The following TNC variants were observed in gnomAD, a reference collection of about 807,000 sequenced individuals.
TNC encodes tenascin C, also known as tenascin.
In TNC, 109 loss-of-function variants were observed where a neutral mutation model predicts 202.4. That is an observed-to-expected ratio of 0.54 (90% confidence interval 0.46 to 0.63). The LOEUF is 0.63. Among genes scored for constraint, TNC ranks in the 30% least tolerant of loss-of-function variants. The pLI, the probability that TNC is intolerant of heterozygous loss-of-function variation, is 0.00. For synonymous variants in TNC, 1,007 were observed against 1,089.7 expected (o/e 0.92, Z 1.50); for missense variants, 2,756 against 2,833.3 (o/e 0.97, Z 0.62).
chr9:115,019,918 A>G lies in TNC; in HGVS notation c.*1239T>C, dbSNP rs1828956777. On this transcript the variant is annotated 3_prime_UTR_variant, in exon 28 of 28. Transcript: ENST00000350763. ...TGTGGTAACAATACTTACCTCAACT[A>G]TATCATAGAGTTTCTAGGAGTTGCA... The G allele has an allele frequency of 6.6e-6, 1 of 152,252 alleles. No individual in the cohort carries two copies. Among genetic ancestry groups the G allele is most frequent in the Admixed American group, 6.5e-5 (1 of 15,280 alleles). The allele number at this position is 152,252 out of a possible 1,614,324, so 9.4% of individuals were successfully genotyped here. A position where few individuals can be genotyped will look rare whatever the true frequency, so the allele number is the denominator to read the frequency against.
At chr9:115,051,521 CTTTTTTCTT>C (rs1280751911) in intron 15 of TNC, among the ~76,000 whole-genome samples, 127 of 125,446 alleles carry the variant, frequency 1.0e-3, no homozygotes, top group Middle Eastern at 4.3e-3. Flanking sequence ...GGTGATTTTT[CTTTTTTCTT>C]TTTTTTCTTT....
chr9:115,094,867 G>C (rs1631671), intron 1 of TNC, among the ~76,000 whole-genome samples: 133,626 of 140,342 alleles, frequency 0.95, 63,788 homozygotes, highest in Admixed American at 0.97. Context: ...GTGTGTGTGT[G>C]TGTGCGTTTA....
Position 115,086,049 on chromosome 9 carries a change from T to C in TNC, c.1682A>G (p.Gln561Arg), listed in dbSNP as rs1201543659. 6.8e-6 allele frequency: 11 copies of C among 1,613,988 alleles called. No individual in the cohort carries two copies. Among genetic ancestry groups the C allele is most frequent in the African/African-American group, 1.3e-5 (1 of 74,918 alleles). ...GCCATGACAGTCACTGGGACATCTTTGCTCCTTGCAGTCTTTGCCCATAAA... is the reference window on the plus strand; with the variant it reads ...GCCATGACAGTCACTGGGACATCTTCGCTCCTTGCAGTCTTTGCCCATAAA... The part of the protein sequence containing the change: ...EGFMGKDCKE[Q>R]RCPSDCHGQG... Residue 561 changes from glutamine to arginine, a missense_variant, in exon 3 of 28, where the codon CAA becomes CGA. Physicochemically the swap from Gln to Arg is conservative, Grantham distance 43. This residue lies in a region of TNC where 2,559 missense variants were observed against 2,546.0 expected (regional missense o/e 1.01). Coordinates refer to ENST00000350763, the MANE Select transcript of TNC (RefSeq NM_002160.4).
At chr9:115,108,864 G>A (rs1279650955) in intron 1 of TNC, among the ~76,000 whole-genome samples, 1 of 152,124 alleles carries the variant, frequency 6.6e-6, no homozygotes, top group Non-Finnish European at 1.5e-5. Flanking sequence ...TCTTGATCTT[G>A]GACTTCCCAG....
rs61734387 is a variant in TNC, at chr9:115,046,442, C to T, written c.5093G>A (p.Arg1698Gln). The change falls in exon 17 of 28, where the codon CGA becomes CAA. Residue 1698 changes from arginine to glutamine, a missense_variant. Physicochemically the swap from Arg to Gln is conservative, Grantham distance 43 (BLOSUM62 1). Around this residue, in one of 2 missense-constraint regions of TNC, gnomAD observed 2,559 missense variants for 2,546.0 expected, o/e 1.01. Coordinates refer to ENST00000350763, the MANE Select transcript of TNC (RefSeq NM_002160.4). ...IELYGISKGRRSQTVSAIATT... is the reference protein window; with the variant it reads ...IELYGISKGRQSQTVSAIATT... ...TGCTATAGCACTGACTGTCTGGGAT[C>T]GCCTTCCTTTGCTTATTCCATAGAG... is the stretch of plus-strand genomic sequence containing the variant. The T allele has an allele frequency of 0.014, 22,040 of 1,614,080 alleles. 212 individuals are homozygous for T. Among genetic ancestry groups the T allele is most frequent in the Middle Eastern group, 0.031 (190 of 6,062 alleles).
At chr9:115,099,585 G>C (rs916844316) in intron 1 of TNC, among the ~76,000 whole-genome samples, 15 of 152,168 alleles carry the variant, frequency 9.9e-5, no homozygotes, top group Non-Finnish European at 2.1e-4. Flanking sequence ...GCCTGTCTGG[G>C]CCTTAATTTT....
rs767698134 is a variant in TNC, at chr9:115,063,785, G to C, written c.3760+11C>G. The C allele has an allele frequency of 1.2e-6, 2 of 1,604,214 alleles. No individual in the cohort carries two copies. Among genetic ancestry groups the C allele is most frequent in the Admixed American group, 1.7e-5 (1 of 59,770 alleles). On this transcript the variant is annotated intron_variant, in intron 12 of 27. Coordinates refer to ENST00000350763, the MANE Select transcript of TNC (RefSeq NM_002160.4). ...GGGGAGGAAGTGAATTAGTGAATTC[G>C]TCTAGAATACCTGTCAAGACTTCAA...
At chr9:115,044,281 G>A (rs531321822) in intron 17 of TNC, among the ~76,000 whole-genome samples, 1 of 151,680 alleles carries the variant, frequency 6.6e-6, no homozygotes, top group Non-Finnish European at 1.5e-5. Context: ...AAAACAAAAG[G>A]GGAAATTTAT....
At position 115,053,331 on chromosome 9, in the gene TNC, T is replaced by C. The variant is rs1439487401; in HGVS notation, c.4579+3822A>G. Among the ~76,000 whole-genome samples the C allele has an allele frequency of 2.0e-5, 3 of 152,272 alleles. No individual in the cohort carries two copies. The East Asian group carries it at 5.8e-4, about 29-fold the overall frequency. On this transcript the variant is annotated intron_variant, in intron 15 of 27. Coordinates refer to ENST00000350763, the MANE Select transcript of TNC (RefSeq NM_002160.4). ...AAGCCATTAGAGTGGTAGATTGGAG[T>C]AACGTGAAGGGTATTAAGGCTACAT... is the stretch of plus-strand genomic sequence containing the variant.
At chr9:115,084,119 A>G in intron 4 of TNC, 90 bp downstream of exon 4, 1 of 1,384,230 alleles carries the variant, frequency 7.2e-7, no homozygotes, top group South Asian at 1.4e-5. Flanking sequence ...AAGAACAACT[A>G]TAGGATTGTA....
chr9:115,110,004 T>C (rs10982537), intron 1 of TNC, among the ~76,000 whole-genome samples: 8,851 of 152,156 alleles, frequency 0.058, 290 homozygotes, highest in Middle Eastern at 0.15. Flanking sequence ...AGGAACTATA[T>C]TGTCAAGAGG....
At chr9:115,063,225 A>G in intron 12 of TNC, 36 bp from the exon 13 acceptor site, 1 of 1,604,110 alleles carries the variant, frequency 6.2e-7, no homozygotes, top group South Asian at 1.1e-5. Flanking sequence ...GTTACTTAAA[A>G]AGGCAATTGC....
At chr9:115,047,128 T>C (rs903471423) in intron 16 of TNC, among the ~76,000 whole-genome samples, 29 of 152,284 alleles carry the variant, frequency 1.9e-4, no homozygotes, top group Admixed American at 1.8e-3. Context: ...CTGCTCATGA[T>C]GATACTGCTG....
intron 1 of TNC, among the ~76,000 whole-genome samples, chr9:115,110,168 C>T (rs1836931464): frequency 6.6e-6 from 1 of 151,988 alleles, no homozygotes; most frequent in African/African-American, 2.4e-5. Context: ...AGGTGAAAAA[C>T]ATAAAAAAGG....
chr9:115,035,346 A>G lies in TNC; in HGVS notation c.5657-12T>C. 6.2e-7 allele frequency: 1 copy of G among 1,603,966 alleles called. No individual in the cohort carries two copies. The highest frequency in any genetic ancestry group is 1.3e-5 in the African/African-American group (1 of 74,268). ...TGGAGAATCGAGGTCTGGAGAAGACAGGATGATTAATATCGGATAAGATCA... is the reference window on the plus strand; with the variant it reads ...TGGAGAATCGAGGTCTGGAGAAGACGGGATGATTAATATCGGATAAGATCA... On this transcript the variant is annotated splice_polypyrimidine_tract_variant and intron_variant, in intron 21 of 27. Coordinates refer to ENST00000350763, the MANE Select transcript of TNC (RefSeq NM_002160.4).
intron 1 of TNC, among the ~76,000 whole-genome samples, chr9:115,111,289 A>G (rs1159180325): frequency 6.6e-6 from 1 of 151,026 alleles, no homozygotes. Context: ...TGGCCCAGTG[A>G]CTTTCTTCTA....
intron 15 of TNC, among the ~76,000 whole-genome samples, chr9:115,049,999 A>G (rs2132230971): frequency 6.6e-6 from 1 of 152,262 alleles, no homozygotes; most frequent in Non-Finnish European, 1.5e-5. Flanking sequence ...CCACGTAAAG[A>G]TTTCCCAAGA....
chr9:115,084,391 G>A lies in TNC; in HGVS notation c.1949C>T (p.Thr650Ile). 6.2e-7 allele frequency: 1 copy of A among 1,614,206 alleles called. No homozygotes were observed. Among genetic ancestry groups the A allele is most frequent in the Non-Finnish European group, 8.5e-7 (1 of 1,180,044 alleles). ...NLAWDNEMRVTEYLVVYTPTH... is the reference protein window; with the variant it reads ...NLAWDNEMRVIEYLVVYTPTH... ...GGGCGTGTACACGACAAGGTACTCT[G>A]TGACCCGCATCTCATTGTCCCAGGC... Residue 650 changes from threonine (T) to isoleucine (I), a missense_variant, in exon 4 of 28, where the codon ACA becomes ATA. By Grantham distance (89) the Thr-to-Ile change is moderately conservative. Coordinates refer to ENST00000350763, the MANE Select transcript of TNC (RefSeq NM_002160.4).
chr9:115,023,005 C>G lies in TNC; in HGVS notation c.6495+968G>C, dbSNP rs146393424. Among the ~76,000 whole-genome samples, 1,088 of 150,886 alleles carry G rather than the reference C, an allele frequency of 7.2e-3. 18 individuals are homozygous for G. Among genetic ancestry groups the G allele is most frequent in the African/African-American group, 0.025 (1,024 of 40,840 alleles). ...TGTGGAGTCTATCAACTGCCTCCCC[C>G]CTGACCCCACAACAACAAAAATGCA... On this transcript the variant is annotated intron_variant, in intron 27 of 27. Transcript: ENST00000350763.
Sources: allele counts gnomAD v4.1 joint callset (sites outside exome capture counted in the v4.1 genomes callset), GRCh38; gene constraint gnomAD v4.1.1; regional missense constraint gnomAD v4.1.1; transcripts MANE v1.5; gene names NCBI Gene and HGNC (gene_info 2026-07-23, HGNC 2026-07-21).